Variants in TMEM244 observed in about 807,000 individuals in gnomAD.
TMEM244 encodes the protein transmembrane protein 244, also known as putative transmembrane protein 244.
A neutral mutation model predicts 15.8 loss-of-function variants in TMEM244; 13 were observed. The observed-to-expected ratio is 0.82, with a 90% CI of 0.53 to 1.30. The LOEUF (loss-of-function observed/expected upper bound fraction) is 1.30. Ranked by LOEUF, TMEM244 falls within the 50% of genes most tolerant of loss-of-function variation. The pLI, the probability that TMEM244 is intolerant of heterozygous loss-of-function variation, is 0.00. For missense variants in TMEM244, 161 were observed against 144.9 expected (o/e 1.11, Z -0.57); for synonymous variants, 45 against 48.7 (o/e 0.92, Z 0.32).
intron 1 of TMEM244, among the ~76,000 whole-genome samples, chr6:129,852,392 T>G (rs1353169525): frequency 6.6e-6 from 1 of 152,298 alleles, no homozygotes; most frequent in East Asian, 1.9e-4. Flanking sequence ...TTTGCAAACC[T>G]TATCTCCTTT....
intron 1 of TMEM244, among the ~76,000 whole-genome samples, chr6:129,852,191 T>C (rs1776644200): frequency 6.6e-6 from 1 of 152,204 alleles, no homozygotes; most frequent in Admixed American, 6.5e-5. Context: ...TACCATTTTA[T>C]TTAAATTTGC....
chr6:129,848,491 A>G (rs1288872394), intron 1 of TMEM244, among the ~76,000 whole-genome samples: 2 of 152,212 alleles, frequency 1.3e-5, no homozygotes, highest in Non-Finnish European at 2.9e-5. Context: ...TTAGCAGGGA[A>G]GAAGGAGTTG....
At chr6:129,841,607 T>G (rs922425832) in intron 3 of TMEM244, among the ~76,000 whole-genome samples, 19 of 152,086 alleles carry the variant, frequency 1.2e-4, no homozygotes, top group African/African-American at 4.6e-4. Context: ...GAGCAAGATT[T>G]TAACTTTCAG....
intron 1 of TMEM244, 37 bp from the exon 2 acceptor site, chr6:129,845,889 G>C: frequency 7.4e-7 from 1 of 1,357,244 alleles, no homozygotes; most frequent in Non-Finnish European, 1.0e-6. Flanking sequence ...AAGAGCCTGG[G>C]ATTTTTCACA....
chr6:129,852,225 AT>A (rs35168552), intron 1 of TMEM244, among the ~76,000 whole-genome samples: 4 of 152,006 alleles, frequency 2.6e-5, no homozygotes, highest in South Asian at 2.1e-4. Context: ...TTTGGTAATA[AT>A]TTTTTTTAAA....
At chr6:129,854,275 C>G (rs1474991552) in intron 1 of TMEM244, among the ~76,000 whole-genome samples, 1 of 152,092 alleles carries the variant, frequency 6.6e-6, no homozygotes, top group Non-Finnish European at 1.5e-5. Context: ...GCTGGCCCTA[C>G]CGGACATTCT....
At chr6:129,860,055 T>C (rs1776777828) in intron 1 of TMEM244, among the ~76,000 whole-genome samples, 1 of 151,884 alleles carries the variant, frequency 6.6e-6, no homozygotes, top group Admixed American at 6.6e-5. Flanking sequence ...CAGATGATTC[T>C]AAGATAGTGA....
rs1203628002 is a variant in TMEM244, at chr6:129,831,289, A to G, written c.*30T>C. On this transcript the variant is annotated 3_prime_UTR_variant, in exon 5 of 5. Transcript: ENST00000368143. ...TAAAATATATTTCCACAGTTATTCT[A>G]TTTAACATTATTTCTGTGCATTAGA... is the stretch of plus-strand genomic sequence containing the variant. 2 of 1,219,348 alleles carry G rather than the reference A, an allele frequency of 1.6e-6. No homozygotes were observed. The highest frequency in any genetic ancestry group is 4.6e-5 in the East Asian group (2 of 43,326). 75.5% of individuals were successfully genotyped at this position (1,219,348 alleles called of 1,614,324 possible). A position where few individuals can be genotyped will look rare whatever the true frequency, so the allele number is the denominator to read the frequency against.
chr6:129,843,733 A>AAAACT, intron 2 of TMEM244, 130 bp from the exon 3 acceptor site: 1 of 583,990 alleles, frequency 1.7e-6, no homozygotes, highest in South Asian at 3.0e-5. Flanking sequence ...GGCACATTTC[A>AAAACT]AAACTGGCTG....
intron 3 of TMEM244, among the ~76,000 whole-genome samples, chr6:129,839,574 G>T (rs1438869849): frequency 6.6e-6 from 1 of 152,140 alleles, no homozygotes; most frequent in Admixed American, 6.6e-5. Context: ...GGAAGTTCTG[G>T]CCAGGGCAAT....
At chr6:129,836,028 C>A (rs7774464) in intron 3 of TMEM244, among the ~76,000 whole-genome samples, 3 of 152,180 alleles carry the variant, frequency 2.0e-5, no homozygotes, top group African/African-American at 7.2e-5. Flanking sequence ...CAGATTTAAA[C>A]GTCCCGTCTG....
At chr6:129,837,910 G>A (rs928825638) in intron 3 of TMEM244, among the ~76,000 whole-genome samples, 19 of 151,996 alleles carry the variant, frequency 1.3e-4, no homozygotes, top group African/African-American at 2.9e-4. Context: ...AGGAGCATTC[G>A]GATTAATAAA....
Position 129,840,160 on chromosome 6 carries a change from C to T in TMEM244, c.193+3370G>A, listed in dbSNP as rs149225124. Among the ~76,000 whole-genome samples the T allele has an allele frequency of 7.2e-4, 110 of 152,300 alleles. No homozygotes were observed. The South Asian group carries it at 0.013, about 18-fold the overall frequency. Reference sequence around the variant, plus strand: ...AAAAAGAACAAAGCTGGAGGCATCACGCTACCTGACTTCAAACTATGCTAC... The same window carrying T: ...AAAAAGAACAAAGCTGGAGGCATCATGCTACCTGACTTCAAACTATGCTAC... On this transcript the variant is annotated intron_variant, in intron 3 of 4. Transcript: ENST00000368143.
At chr6:129,832,722 T>C (rs1309818816) in intron 4 of TMEM244, among the ~76,000 whole-genome samples, 1 of 152,158 alleles carries the variant, frequency 6.6e-6, no homozygotes, top group Non-Finnish European at 1.5e-5. Context: ...AGGAAACTAA[T>C]GTAAGAGATG....
rs148503789 is a variant in TMEM244, at chr6:129,833,529, C to T, written c.250G>A (p.Val84Ile). 1 of 1,613,204 alleles carries T rather than the reference C, an allele frequency of 6.2e-7. No homozygotes were observed. The highest frequency in any genetic ancestry group is 8.5e-7 in the Non-Finnish European group (1 of 1,179,604). ...TAATCCCAAACCCATTCTTCCACAACTGGAACAAAAAACAATCCACAAACA... is the reference window on the plus strand; with the variant it reads ...TAATCCCAAACCCATTCTTCCACAATTGGAACAAAAAACAATCCACAAACA... ...YFVCGLFFVP[V>I]VEEWVWDYAI... The change falls in exon 4 of 5, where the codon GTT becomes ATT. Residue 84 changes from valine to isoleucine, a missense_variant. Val to Ile is a conservative substitution (Grantham distance 29). Coordinates refer to ENST00000368143, the MANE Select transcript of TMEM244 (RefSeq NM_001010876.2).
At chr6:129,838,225 T>G (rs983664888) in intron 3 of TMEM244, among the ~76,000 whole-genome samples, 1 of 152,164 alleles carries the variant, frequency 6.6e-6, no homozygotes, top group Non-Finnish European at 1.5e-5. Context: ...AAACTGTCTC[T>G]CAGACTGATC....
Position 129,843,703 on chromosome 6 carries a change from A to G in TMEM244, c.120-100T>C, listed in dbSNP as rs372075742. 3.8e-5 allele frequency: 32 copies of G among 834,164 alleles called. 3 individuals are homozygous for G. Among genetic ancestry groups the G allele is most frequent in the Admixed American group, 1.8e-4 (8 of 45,480 alleles). 51.7% of individuals were successfully genotyped at this position (834,164 alleles called of 1,614,324 possible). A position where few individuals can be genotyped will look rare whatever the true frequency, so the allele number is the denominator to read the frequency against. On this transcript the variant is annotated intron_variant, in intron 2 of 4. Coordinates refer to ENST00000368143, the MANE Select transcript of TMEM244 (RefSeq NM_001010876.2). The stretch of plus-strand genomic sequence containing the variant: ...TACTATTTTCATACAAGGATAAGCT[A>G]TGCGATTCACCCACATTGTGGCACA...
At chr6:129,848,633 A>G (rs1025981750) in intron 1 of TMEM244, among the ~76,000 whole-genome samples, 1 of 152,288 alleles carries the variant, frequency 6.6e-6, no homozygotes, top group Admixed American at 6.5e-5. Context: ...AGGCCCAAAC[A>G]TTGTGCGCAT....
chr6:129,859,092 C>A (rs959536553), intron 1 of TMEM244, among the ~76,000 whole-genome samples: 4 of 152,104 alleles, frequency 2.6e-5, no homozygotes, highest in African/African-American at 7.2e-5. Context: ...CCACGCCTGG[C>A]CGGAACCATA....
Sources: allele counts gnomAD v4.1 joint callset (sites outside exome capture counted in the v4.1 genomes callset), GRCh38; gene constraint gnomAD v4.1.1; transcripts MANE v1.5; gene names NCBI Gene and HGNC (gene_info 2026-07-23, HGNC 2026-07-21).